The following CLIP2 variants were observed in gnomAD, a reference collection of about 807,000 sequenced individuals.
The protein encoded by CLIP2 is CAP-Gly domain-containing linker protein 2.
A neutral mutation model predicts 111.7 loss-of-function variants in CLIP2; 41 were observed. The observed-to-expected ratio is 0.37, with a 90% CI of 0.29 to 0.48. The LOEUF is 0.48. CLIP2 is among the 20% of genes least tolerant of loss of function. CLIP2 has a pLI of 0.99. For missense variants in CLIP2, 1,160 were observed against 1,422.1 expected, an observed-to-expected ratio of 0.82 and a Z score of 2.96; for synonymous variants, 660 against 644.2, an observed-to-expected ratio of 1.02 and a Z score of -0.37.
chr7:74,338,218 G>T lies in CLIP2; in HGVS notation c.122-230G>T, dbSNP rs147053134. On this transcript the variant is annotated intron_variant, in intron 2 of 16. Coordinates refer to ENST00000223398, the MANE Select transcript of CLIP2 (RefSeq NM_003388.5). This position sits in a 1 kb window ranked among gnomAD's most constrained non-coding sequence, Gnocchi z 4.3. ...CCCTGTCTCAAAAAGTAAATAAACAGGGGTTGGGTGTGGTGCCTCACGCCT... is the reference window on the plus strand; with the variant it reads ...CCCTGTCTCAAAAAGTAAATAAACATGGGTTGGGTGTGGTGCCTCACGCCT... Among the ~76,000 whole-genome samples, 2 of 26,630 alleles carry T rather than the reference G, an allele frequency of 7.5e-5. No individual in the cohort carries two copies. The highest frequency in any genetic ancestry group is 2.1e-4 in the Non-Finnish European group (1 of 4,690). The allele number at this position is 26,630 out of a possible 152,430, so 17.5% of individuals were successfully genotyped here.
intron 1 of CLIP2, among the ~76,000 whole-genome samples, chr7:74,307,389 C>A (rs1554727924): frequency 6.6e-6 from 1 of 152,260 alleles, no homozygotes; most frequent in Non-Finnish European, 1.5e-5. Flanking sequence ...CTTCTCTGCA[C>A]TCGGGAAGCT....
At chr7:74,337,613 A>G (rs1389528485) in intron 2 of CLIP2, among the ~76,000 whole-genome samples, 1 of 145,352 alleles carries the variant, frequency 6.9e-6, no homozygotes, top group African/African-American at 2.5e-5. Flanking sequence ...TTGTCTTTTT[A>G]AAAATGAAGT....
At chr7:74,375,530 G>A (rs995611144) in intron 9 of CLIP2, among the ~76,000 whole-genome samples, 6 of 119,866 alleles carry the variant, frequency 5.0e-5, no homozygotes, top group Admixed American at 1.1e-4. Context: ...TCCAGCCTGC[G>A]TGACAGAGCG....
Position 74,398,051 on chromosome 7 carries a change from A to G in CLIP2, c.2880+818A>G, listed in dbSNP as rs532883596. On this transcript the variant is annotated intron_variant, in intron 14 of 16. Coordinates refer to ENST00000223398, the MANE Select transcript of CLIP2 (RefSeq NM_003388.5). ...GGGGTAGGCAGGTGATGCTGGTAGC[A>G]TAGCACAGGACCATCCCCATCCCTT... is the stretch of plus-strand genomic sequence containing the variant. 5.9e-5 allele frequency among the ~76,000 whole-genome samples: 9 copies of G among 152,006 alleles called. No individual in the cohort carries two copies. In the South Asian group the frequency reaches 1.7e-3, roughly 28 times the overall value.
chr7:74,359,547 G>A (rs1342583172), intron 6 of CLIP2, among the ~76,000 whole-genome samples: 12 of 151,728 alleles, frequency 7.9e-5, no homozygotes, highest in East Asian at 3.9e-4. Flanking sequence ...AGTAGAGATG[G>A]GGTTTCACCA....
chr7:74,312,816 G>C (rs1180700565), intron 1 of CLIP2, among the ~76,000 whole-genome samples: 1 of 152,152 alleles, frequency 6.6e-6, no homozygotes, highest in African/African-American at 2.4e-5. Flanking sequence ...GTGTGCCTGG[G>C]GGCAGCTTGT....
rs781823126 is a variant in CLIP2 at position 74,338,704 on chromosome 7, C to A, written c.378C>A (p.Gly126=). 2 of 1,586,140 alleles carry A rather than the reference C, an allele frequency of 1.3e-6. No homozygotes were observed. Among genetic ancestry groups the A allele is most frequent in the African/African-American group, 2.7e-5 (2 of 74,448 alleles). The change falls in exon 3 of 17, where the codon GGC becomes GGA. Residue 126 remains glycine (G), a synonymous_variant. Coordinates refer to ENST00000223398, the MANE Select transcript of CLIP2 (RefSeq NM_003388.5). This position sits in a 1 kb window ranked among gnomAD's most constrained non-coding sequence, Gnocchi z 4.3. ...PVGKNDGAVG[G]VRYFECPALQ... ...GCAAGAATGATGGCGCGGTGGGCGG[C>A]GTGCGCTACTTCGAGTGCCCGGCCC...
rs112450987 is a variant in CLIP2 at position 74,315,027 on chromosome 7, A to G, written c.-67-2453A>G. On this transcript the variant is annotated intron_variant, in intron 1 of 16. Transcript: ENST00000223398. ...CGTGGTGGCTCACGCCTGTAATCCC[A>G]GCACTTTGGGAGGCGAGGCGGGAGG... Among the ~76,000 whole-genome samples, 1,209 of 152,356 alleles carry G rather than the reference A, an allele frequency of 7.9e-3. 10 individuals carry two copies. Among genetic ancestry groups the G allele is most frequent in the Middle Eastern group, 0.054 (16 of 294 alleles).
chr7:74,393,710 T>C (rs1048325995), intron 13 of CLIP2, among the ~76,000 whole-genome samples: 18 of 152,170 alleles, frequency 1.2e-4, no homozygotes, highest in Admixed American at 7.9e-4. Context: ...GAAGAAATGC[T>C]ACCTCCTTTC....
At chr7:74,397,297 G>A (rs1338696024) in intron 14 of CLIP2, 64 bp downstream of exon 14, 3 of 1,539,654 alleles carry the variant, frequency 1.9e-6, no homozygotes, top group Non-Finnish European at 1.8e-6. Flanking sequence ...GGCTAGCCTT[G>A]CTGTCAGGCC....
intron 8 of CLIP2, among the ~76,000 whole-genome samples, chr7:74,371,663 AAAAG>A (rs1448393122): frequency 8.4e-5 from 11 of 130,284 alleles, no homozygotes; most frequent in Non-Finnish European, 6.5e-5. Context: ...GAGAGAGGGA[AAAAG>A]AAAGGAGGGA....
chr7:74,360,149 TG>T lies in CLIP2; in HGVS notation c.1216-25del, dbSNP rs782368353. 1.1e-5 allele frequency: 17 copies of T among 1,566,328 alleles called. No homozygotes were observed. In the South Asian group the frequency reaches 1.8e-4, roughly 16 times the overall value. On this transcript the variant is annotated intron_variant, in intron 6 of 16. Coordinates refer to ENST00000223398, the MANE Select transcript of CLIP2 (RefSeq NM_003388.5). ...CCCATACCCCGGAGCATGCTGACCC[TG>T]TCCTGGCCTTCCTTGGGGGCCCAGT...
At chr7:74,304,512 G>A (rs1554727370) in intron 1 of CLIP2, among the ~76,000 whole-genome samples, 1 of 151,216 alleles carries the variant, frequency 6.6e-6, no homozygotes, top group African/African-American at 2.4e-5. Context: ...GGTGACAGAG[G>A]GAGACTCTGA....
intron 3 of CLIP2, among the ~76,000 whole-genome samples, chr7:74,344,394 T>C (rs1340322385): frequency 6.6e-6 from 1 of 152,082 alleles, no homozygotes; most frequent in African/African-American, 2.4e-5. Context: ...TAGCATGGTT[T>C]TTTTTGAGAC....
At chr7:74,400,998 G>A (rs868921179) in intron 15 of CLIP2, among the ~76,000 whole-genome samples, 7 of 151,358 alleles carry the variant, frequency 4.6e-5, no homozygotes, top group Non-Finnish European at 1.0e-4. Context: ...GATCTGAAGG[G>A]AGAGGCAGCT....
At chr7:74,328,139 G>C (rs1468533687) in intron 2 of CLIP2, among the ~76,000 whole-genome samples, 2 of 152,142 alleles carry the variant, frequency 1.3e-5, no homozygotes, top group African/African-American at 4.8e-5. Context: ...CCCTGGTCGG[G>C]GTGGGCTGGG....
At chr7:74,320,533 A>C (rs1788920925) in intron 2 of CLIP2, among the ~76,000 whole-genome samples, 1 of 152,060 alleles carries the variant, frequency 6.6e-6, no homozygotes, top group Non-Finnish European at 1.5e-5. Context: ...AAAACAAAAC[A>C]AAAAAAGGAT....
At chr7:74,298,356 G>GTTTTTTTTTT (rs35535113) in intron 1 of CLIP2, among the ~76,000 whole-genome samples, 1 of 109,622 alleles carries the variant, frequency 9.1e-6, no homozygotes, top group Non-Finnish European at 1.9e-5. Flanking sequence ...CTGCTAATTG[G>GTTTTTTTTTT]TTTTTTTTTT....
At chr7:74,294,508 G>T (rs938272338) in intron 1 of CLIP2, among the ~76,000 whole-genome samples, 1 of 152,104 alleles carries the variant, frequency 6.6e-6, no homozygotes, top group African/African-American at 2.4e-5. Context: ...AGCGACACCC[G>T]CTCCCGATTC....
Sources: gnomAD v4.1 joint callset for allele counts (sites outside exome capture counted in the v4.1 genomes callset) on GRCh38, gnomAD v4.1.1 for gene constraint, Gnocchi (gnomAD v3.1) non-coding constraint, MANE v1.5 for transcripts, NCBI Gene and HGNC (gene_info 2026-07-23, HGNC 2026-07-21) for gene names.